CDH12: variants seen among roughly 807,000 people sequenced by gnomAD.
CDH12 encodes cadherin 12.
CDH12 carries 41 observed loss-of-function variants against 74.1 expected under a neutral mutation model. The observed-to-expected ratio is 0.55, with a 90% confidence interval of 0.43 to 0.72. The LOEUF (loss-of-function observed/expected upper bound fraction) is 0.72. Ranked by LOEUF, CDH12 falls within the 30% of genes least tolerant of loss-of-function variation. The pLI is 0.00. For missense variants in CDH12, 945 were observed against 977.2 expected, an observed-to-expected ratio of 0.97 and a Z score of 0.44; for synonymous variants, 399 against 355.0, an observed-to-expected ratio of 1.12 and a Z score of -1.39.
intron 1 of CDH12, among the ~76,000 whole-genome samples, chr5:22,596,195 G>A (rs1265823778): frequency 6.6e-6 from 1 of 151,876 alleles, no homozygotes. Context: ...CCAGCATTCT[G>A]GGAGGCCGAG....
intron 1 of CDH12, among the ~76,000 whole-genome samples, chr5:22,677,794 T>C (rs1358720879): frequency 6.6e-6 from 1 of 152,076 alleles, no homozygotes; most frequent in Non-Finnish European, 1.5e-5. Context: ...TGCCCACAAT[T>C]CCATAGACTG....
At chr5:22,014,079 T>C (rs547490885) in intron 5 of CDH12, among the ~76,000 whole-genome samples, 52 of 151,954 alleles carry the variant, frequency 3.4e-4, no homozygotes, top group Non-Finnish European at 6.8e-4. Context: ...ATGCAAAAAT[T>C]AGCCAAGTGT....
At chr5:22,430,140 T>C (rs991006582) in intron 2 of CDH12, among the ~76,000 whole-genome samples, 1 of 152,126 alleles carries the variant, frequency 6.6e-6, no homozygotes, top group African/African-American at 2.4e-5. Context: ...TGGGGAGTGA[T>C]TTTCTGCTAA....
chr5:22,684,502 T>C (rs1193504880), intron 1 of CDH12, among the ~76,000 whole-genome samples: 1 of 152,194 alleles, frequency 6.6e-6, no homozygotes, highest in Non-Finnish European at 1.5e-5. Flanking sequence ...ATTCAAATGA[T>C]TGTGAAGTCA....
intron 5 of CDH12, among the ~76,000 whole-genome samples, chr5:22,073,477 G>A (rs1310031535): frequency 3.9e-5 from 6 of 152,160 alleles, no homozygotes; most frequent in Non-Finnish European, 7.4e-5. Flanking sequence ...TTGTGCACAT[G>A]TATATGTATG....
chr5:22,104,481 G>GA (rs376852727), intron 4 of CDH12, among the ~76,000 whole-genome samples: 126 of 148,426 alleles, frequency 8.5e-4, no homozygotes, highest in African/African-American at 2.7e-3. Flanking sequence ...AGTGTGAAAG[G>GA]AAAAAAAAAA....
chr5:21,942,334 G>GTATATATATATATATATATATA lies in CDH12; in HGVS notation c.526+32756_526+32757insTATATATATATATATATATATA, dbSNP rs761850084. 3.6e-4 allele frequency among the ~76,000 whole-genome samples: 38 copies of GTATATATATATATATATATATA among 106,982 alleles called. 1 individual carries two copies. Among genetic ancestry groups the GTATATATATATATATATATATA allele is most frequent in the African/African-American group, 1.6e-3 (35 of 21,644 alleles). 70.2% of individuals were successfully genotyped at this position (106,982 alleles called of 152,430 possible). ...CTCCAGCCACTATGAGACAAATACA[G>GTATATATATATATATATATATA]TATATATATATATACACACACACAC... On this transcript the variant is annotated intron_variant, in intron 6 of 14. Transcript: ENST00000382254.
At chr5:21,934,524 G>A (rs1349940459) in intron 6 of CDH12, among the ~76,000 whole-genome samples, 1 of 152,114 alleles carries the variant, frequency 6.6e-6, no homozygotes, top group Non-Finnish European at 1.5e-5. Context: ...ATGCATAAAT[G>A]GGGATATTAA....
chr5:22,350,916 C>A (rs1740332250), intron 3 of CDH12, among the ~76,000 whole-genome samples: 1 of 152,098 alleles, frequency 6.6e-6, no homozygotes, highest in African/African-American at 2.4e-5. Flanking sequence ...AGAGTTTTCA[C>A]AAAGTAGAGT....
At chr5:21,902,299 T>C (rs1753427160) in intron 6 of CDH12, among the ~76,000 whole-genome samples, 1 of 150,748 alleles carries the variant, frequency 6.6e-6, no homozygotes, top group South Asian at 2.1e-4. Flanking sequence ...TGTATATATG[T>C]ATATATGTGT....
chr5:22,302,711 T>G (rs1737940785), intron 3 of CDH12, among the ~76,000 whole-genome samples: 1 of 152,008 alleles, frequency 6.6e-6, no homozygotes, highest in Admixed American at 6.6e-5. Context: ...CATATGTATC[T>G]AGAGAAAAAA....
chr5:22,441,257 A>G (rs1249721449), intron 2 of CDH12, among the ~76,000 whole-genome samples: 1 of 152,106 alleles, frequency 6.6e-6, no homozygotes, highest in South Asian at 2.1e-4. Flanking sequence ...TTGCTTTTAC[A>G]TGTTCTGTTG....
At chr5:22,768,729 G>T (rs564109122) in intron 1 of CDH12, among the ~76,000 whole-genome samples, 16 of 151,818 alleles carry the variant, frequency 1.1e-4, no homozygotes, top group African/African-American at 3.9e-4. Flanking sequence ...TTTCCTATTT[G>T]GTCATCAAAA....
At chr5:22,295,647 T>A (rs1454323047) in intron 3 of CDH12, among the ~76,000 whole-genome samples, 2 of 152,148 alleles carry the variant, frequency 1.3e-5, no homozygotes, top group African/African-American at 4.8e-5. Flanking sequence ...CATCTACACA[T>A]CATGGAAATT....
At chr5:21,765,855 G>T (rs1006807125) in intron 11 of CDH12, among the ~76,000 whole-genome samples, 6 of 151,936 alleles carry the variant, frequency 3.9e-5, no homozygotes, top group African/African-American at 1.2e-4. Context: ...AATCAATAAA[G>T]CATAAAATAA....
At chr5:22,779,482 C>A (rs7356717) in intron 1 of CDH12, among the ~76,000 whole-genome samples, 5,363 of 152,172 alleles carry the variant, frequency 0.035, 302 homozygotes, top group African/African-American at 0.12. Context: ...GTAAATCATT[C>A]ACAAAACTTA....
chr5:21,960,557 T>C (rs2910518), intron 6 of CDH12, among the ~76,000 whole-genome samples: 6,676 of 152,218 alleles, frequency 0.044, 486 homozygotes, highest in African/African-American at 0.15. Context: ...TACCGTTCCC[T>C]TGTATCTCTA....
At chr5:22,068,692 C>T (rs1228019238) in intron 5 of CDH12, among the ~76,000 whole-genome samples, 3 of 152,032 alleles carry the variant, frequency 2.0e-5, no homozygotes, top group Non-Finnish European at 4.4e-5. Context: ...TATTTGTGTC[C>T]TATGGGAATG....
At chr5:22,336,438 T>C (rs570290633) in intron 3 of CDH12, among the ~76,000 whole-genome samples, 15 of 152,294 alleles carry the variant, frequency 9.8e-5, no homozygotes, top group Non-Finnish European at 2.2e-4. Context: ...AGCAGTCCCT[T>C]TCATCACAGT....
Sources: allele counts gnomAD v4.1 joint callset (sites outside exome capture counted in the v4.1 genomes callset), GRCh38; gene constraint gnomAD v4.1.1; transcripts MANE v1.5; gene names NCBI Gene and HGNC (gene_info 2026-07-23, HGNC 2026-07-21).